ZBTB44: variants seen among roughly 807,000 people sequenced by gnomAD.
The protein encoded by ZBTB44 is zinc finger and BTB domain containing 44, also known as zinc finger and BTB domain-containing protein 44.
ZBTB44 carries 15 observed loss-of-function variants against 54.0 expected under a neutral mutation model. The ratio of observed to expected loss-of-function variants is 0.28; its 90% CI spans 0.19 to 0.43. The LOEUF (loss-of-function observed/expected upper bound fraction) is 0.43, where lower values mean the gene tolerates loss of function less well. Among genes scored for constraint, ZBTB44 ranks in the 20% least tolerant of loss-of-function variants. The pLI is 1.00. For synonymous variants in ZBTB44, 230 were observed against 250.1 expected, an observed-to-expected ratio of 0.92 and a Z score of 0.76; for missense variants, 487 against 707.1, an observed-to-expected ratio of 0.69 and a Z score of 3.53.
At chr11:130,299,736 G>C (rs1417775673) in intron 1 of ZBTB44, among the ~76,000 whole-genome samples, 1 of 151,652 alleles carries the variant, frequency 6.6e-6, no homozygotes, top group Non-Finnish European at 1.5e-5. Context: ...AGCCACTATA[G>C]AAAACAGTAT....
chr11:130,272,092 T>A (rs1406091407), intron 1 of ZBTB44, among the ~76,000 whole-genome samples: 1 of 151,638 alleles, frequency 6.6e-6, no homozygotes, highest in Non-Finnish European at 1.5e-5. Context: ...ATTAGCTGGG[T>A]GTAGGGGTGG....
chr11:130,276,862 A>G (rs1347717937), intron 1 of ZBTB44, among the ~76,000 whole-genome samples: 2 of 152,180 alleles, frequency 1.3e-5, no homozygotes, highest in Non-Finnish European at 2.9e-5. Context: ...TAACTGTTAC[A>G]GCTTCCTGAT....
chr11:130,308,285 T>A (rs1359603531), intron 1 of ZBTB44, among the ~76,000 whole-genome samples: 1 of 152,190 alleles, frequency 6.6e-6, no homozygotes, highest in South Asian at 2.1e-4. Flanking sequence ...CATATCCCCG[T>A]TGCAATCTCT....
chr11:130,231,379 G>C lies in ZBTB44; in HGVS notation c.*385C>G, dbSNP rs926133166. The C allele has an allele frequency of 2.6e-5, 4 of 152,030 alleles. No individual in the cohort carries two copies. Among genetic ancestry groups the C allele is most frequent in the Non-Finnish European group, 5.9e-5 (4 of 67,976 alleles). The allele number at this position is 152,030 out of a possible 1,614,324, so 9.4% of individuals were successfully genotyped here. The stretch of plus-strand genomic sequence containing the variant: ...TTAGTTACTGGTATTGATAAGATCT[G>C]GGCAGCAGACAACTAACCAGATATG... On this transcript the variant is annotated 3_prime_UTR_variant, in exon 8 of 8. Coordinates refer to ENST00000357899, the MANE Select transcript of ZBTB44 (RefSeq NM_001301098.2).
Position 130,257,501 on chromosome 11 carries a change from C to G in ZBTB44, c.1018+3355G>C, listed in dbSNP as rs139535010. 4.0e-3 allele frequency among the ~76,000 whole-genome samples: 606 copies of G among 152,162 alleles called. 2 individuals carry two copies. Among genetic ancestry groups the G allele is most frequent in the South Asian group, 0.017 (84 of 4,814 alleles). ...CAATATCATATACTGGAGCTACAAG[C>G]CAAAGAACACCAAGGATTGTGGGCA... On this transcript the variant is annotated intron_variant, in intron 2 of 7. Transcript: ENST00000357899.
intron 1 of ZBTB44, among the ~76,000 whole-genome samples, chr11:130,313,641 T>A (rs1300668676): frequency 6.6e-6 from 1 of 152,186 alleles, no homozygotes; most frequent in African/African-American, 2.4e-5. Flanking sequence ...TTATGGAGAA[T>A]TTCTTCCTGA....
At chr11:130,238,671 T>C (rs1385058469) in intron 3 of ZBTB44, 64 bp from the exon 4 acceptor site, 3 of 1,399,544 alleles carry the variant, frequency 2.1e-6, no homozygotes, top group South Asian at 3.3e-5. Flanking sequence ...AACACTGCTA[T>C]AGGTCAATTT....
At chr11:130,247,283 G>A (rs1432161071) in intron 2 of ZBTB44, among the ~76,000 whole-genome samples, 4 of 152,194 alleles carry the variant, frequency 2.6e-5, no homozygotes, top group African/African-American at 9.6e-5. Flanking sequence ...AAGATCCACT[G>A]AGATTCAGCT....
intron 1 of ZBTB44, among the ~76,000 whole-genome samples, chr11:130,263,772 G>C (rs753624535): frequency 1.1e-4 from 17 of 152,146 alleles, no homozygotes; most frequent in Non-Finnish European, 1.8e-4. Context: ...GATATGAAAA[G>C]GATTTTTGCT....
At chr11:130,274,264 A>C (rs1018721595) in intron 1 of ZBTB44, among the ~76,000 whole-genome samples, 1 of 152,224 alleles carries the variant, frequency 6.6e-6, no homozygotes, top group African/African-American at 2.4e-5. Context: ...TTCAAATTTT[A>C]CATTTTTGGA....
chr11:130,247,126 T>G (rs1021822013), intron 2 of ZBTB44, among the ~76,000 whole-genome samples: 4 of 152,134 alleles, frequency 2.6e-5, no homozygotes, highest in Non-Finnish European at 1.5e-5. Flanking sequence ...CAAGGCCAAA[T>G]CCTGCGCTAA....
intron 2 of ZBTB44, 91 bp from the exon 3 acceptor site, chr11:130,239,987 C>A: frequency 7.7e-6 from 6 of 781,890 alleles, no homozygotes; most frequent in South Asian, 1.5e-5. Context: ...AAGCCTCTGA[C>A]ATATATTATC....
intron 1 of ZBTB44, among the ~76,000 whole-genome samples, chr11:130,294,777 T>C (rs574610944): frequency 4.7e-4 from 71 of 152,294 alleles, no homozygotes; most frequent in African/African-American, 1.7e-3. Flanking sequence ...TTAAGGGATA[T>C]CTGCTATTCA....
intron 1 of ZBTB44, among the ~76,000 whole-genome samples, chr11:130,307,234 C>T (rs1942320745): frequency 6.6e-6 from 1 of 151,970 alleles, no homozygotes; most frequent in Non-Finnish European, 1.5e-5. Flanking sequence ...ACCATCCTGG[C>T]TAACACGGTG....
intron 1 of ZBTB44, among the ~76,000 whole-genome samples, chr11:130,305,071 A>G (rs1942193384): frequency 6.6e-6 from 1 of 152,196 alleles, no homozygotes; most frequent in African/African-American, 2.4e-5. Flanking sequence ...AGATCTCTAC[A>G]AGGAAGACTA....
intron 5 of ZBTB44, among the ~76,000 whole-genome samples, chr11:130,235,087 C>CT (rs1179770269): frequency 8.5e-6 from 1 of 117,704 alleles, no homozygotes; most frequent in Non-Finnish European, 1.8e-5. Flanking sequence ...TTATTTAAAT[C>CT]TTTATTACTG....
rs757286125 is a variant in ZBTB44 at position 130,276,232 on chromosome 11, C to CAAAAA, written c.-56-14308_-56-14304dup. On this transcript the variant is annotated intron_variant, in intron 1 of 7. Coordinates refer to ENST00000357899, the MANE Select transcript of ZBTB44 (RefSeq NM_001301098.2). ...CAAGAGTGAACGTGAAACTCTGTCT[C>CAAAAA]AAAAAAAAAAAAAAGAAAAAAGAAA... 6.8e-3 allele frequency among the ~76,000 whole-genome samples: 217 copies of CAAAAA among 31,748 alleles called. 11 individuals are homozygous for CAAAAA. Among genetic ancestry groups the CAAAAA allele is most frequent in the East Asian group, 0.022 (22 of 990 alleles). 20.8% of individuals were successfully genotyped at this position (31,748 alleles called of 152,430 possible).
intron 1 of ZBTB44, among the ~76,000 whole-genome samples, chr11:130,280,145 G>A (rs1394656753): frequency 6.6e-6 from 1 of 152,100 alleles, no homozygotes; most frequent in African/African-American, 2.4e-5. Context: ...TCATTAGCAG[G>A]GGATGGGTGT....
At chr11:130,254,463 C>T (rs1445409054) in intron 2 of ZBTB44, among the ~76,000 whole-genome samples, 1 of 152,156 alleles carries the variant, frequency 6.6e-6, no homozygotes, top group African/African-American at 2.4e-5. Context: ...AGCCAAAAGA[C>T]ACATGAAAAA....
Sources: gnomAD v4.1 joint callset for allele counts (sites outside exome capture counted in the v4.1 genomes callset) on GRCh38, gnomAD v4.1.1 for gene constraint, MANE v1.5 for transcripts, NCBI Gene and HGNC (gene_info 2026-07-23, HGNC 2026-07-21) for gene names.